PRKG1: variants seen among roughly 807,000 people sequenced by gnomAD.
The protein encoded by PRKG1 is cGMP-dependent protein kinase 1.
PRKG1 carries 35 observed loss-of-function variants against 88.1 expected under a neutral mutation model. The ratio of observed to expected loss-of-function variants is 0.40; its 90% CI spans 0.30 to 0.53. The LOEUF is 0.53. Among genes scored for constraint, PRKG1 ranks in the 20% least tolerant of loss-of-function variants. The pLI, the probability that PRKG1 is intolerant of heterozygous loss-of-function variation, is 0.59. For missense variants in PRKG1, 540 were observed against 839.8 expected (o/e 0.64, Z 4.41); for synonymous variants, 303 against 292.5 (o/e 1.04, Z -0.37).
At chr10:51,241,788 T>C (rs1465453238) in intron 2 of PRKG1, among the ~76,000 whole-genome samples, 5 of 152,148 alleles carry the variant, frequency 3.3e-5, no homozygotes, top group Admixed American at 3.3e-4. Context: ...CCCTGTCCTG[T>C]GCTGTCCTTA....
rs748903980 is a variant in PRKG1 at position 52,256,641 on chromosome 10, T to C, written c.1173+4975T>C. Among the ~76,000 whole-genome samples the C allele has an allele frequency of 3.6e-5, 5 of 139,896 alleles. 1 individual carries two copies. Among genetic ancestry groups the C allele is most frequent in the Non-Finnish European group, 8.1e-5 (5 of 61,856 alleles). 91.8% of individuals were successfully genotyped at this position (139,896 alleles called of 152,430 possible). On this transcript the variant is annotated intron_variant, in intron 10 of 17. Transcript: ENST00000373980. ...TGTTGCTATTATTATTAAAGCATGCTAATGATAGTTCTTTTTATTTATCAC... is the reference window on the plus strand; with the variant it reads ...TGTTGCTATTATTATTAAAGCATGCCAATGATAGTTCTTTTTATTTATCAC...
At chr10:51,458,586 T>C (rs1839656945) in intron 2 of PRKG1, among the ~76,000 whole-genome samples, 1 of 152,168 alleles carries the variant, frequency 6.6e-6, no homozygotes, top group African/African-American at 2.4e-5. Context: ...TTATTCCCAT[T>C]GCATTGTTGT....
intron 4 of PRKG1, among the ~76,000 whole-genome samples, chr10:51,816,479 A>C (rs550104441): frequency 4.0e-5 from 6 of 151,794 alleles, no homozygotes; most frequent in African/African-American, 1.5e-4. Context: ...TATTCCTTGG[A>C]AGTGCATTGC....
intron 3 of PRKG1, among the ~76,000 whole-genome samples, chr10:51,603,623 G>A (rs1838674945): frequency 1.3e-5 from 2 of 152,192 alleles, no homozygotes. Context: ...TTATGTGAGT[G>A]CCTATTATGT....
At chr10:51,508,548 C>CT (rs199811117) in intron 3 of PRKG1, among the ~76,000 whole-genome samples, 156 of 151,038 alleles carry the variant, frequency 1.0e-3, no homozygotes, top group Admixed American at 2.4e-3. Context: ...GTGAGAATGA[C>CT]TTTTTTTAAA....
chr10:51,956,661 C>T (rs768807973), intron 5 of PRKG1, among the ~76,000 whole-genome samples: 4 of 152,004 alleles, frequency 2.6e-5, no homozygotes, highest in Admixed American at 1.3e-4. Context: ...TTTGAAACTA[C>T]GACAACCAAT....
intron 2 of PRKG1, among the ~76,000 whole-genome samples, chr10:51,404,562 A>AT (rs1837853559): frequency 6.6e-6 from 1 of 152,218 alleles, no homozygotes; most frequent in South Asian, 2.1e-4. Context: ...ATAGCATGAT[A>AT]TTTTGCTTTG....
chr10:51,635,350 G>T (rs1245797217), intron 3 of PRKG1, among the ~76,000 whole-genome samples: 3 of 149,136 alleles, frequency 2.0e-5, no homozygotes, highest in Non-Finnish European at 4.4e-5. Flanking sequence ...GAATGAAAAT[G>T]CAATATGTAA....
chr10:52,010,430 G>A (rs1844851443), intron 5 of PRKG1, among the ~76,000 whole-genome samples: 1 of 152,026 alleles, frequency 6.6e-6, no homozygotes, highest in South Asian at 2.1e-4. Flanking sequence ...CATGCATGCA[G>A]CCAATACGCA....
chr10:51,923,956 G>C (rs559218643), intron 5 of PRKG1, among the ~76,000 whole-genome samples: 1 of 151,840 alleles, frequency 6.6e-6, no homozygotes, highest in Admixed American at 6.6e-5. Context: ...GGTCTCTTGA[G>C]TAGCTGGACC....
At chr10:52,044,591 G>T (rs191582406) in intron 5 of PRKG1, among the ~76,000 whole-genome samples, 3 of 152,248 alleles carry the variant, frequency 2.0e-5, no homozygotes, top group Non-Finnish European at 4.4e-5. Flanking sequence ...GTTTGTTGTA[G>T]TAAGGAATAC....
intron 2 of PRKG1, among the ~76,000 whole-genome samples, chr10:51,285,028 A>C: frequency 2.7e-5 from 2 of 75,448 alleles, no homozygotes; most frequent in African/African-American, 5.0e-5. Flanking sequence ...TATATCTCCC[A>C]ATGCTACCCC....
intron 1 of PRKG1, among the ~76,000 whole-genome samples, chr10:51,086,797 T>G (rs905774351): frequency 3.3e-5 from 5 of 152,218 alleles, no homozygotes; most frequent in Non-Finnish European, 7.3e-5. Context: ...CTTTCTCATC[T>G]GAGGTTCGTC....
chr10:51,551,169 C>T (rs968769364), intron 3 of PRKG1, among the ~76,000 whole-genome samples: 3 of 151,824 alleles, frequency 2.0e-5, no homozygotes, highest in Non-Finnish European at 4.4e-5. Flanking sequence ...TTGCAACCAA[C>T]ATGCATTTCA....
intron 1 of PRKG1, among the ~76,000 whole-genome samples, chr10:50,995,695 T>C (rs951662386): frequency 6.6e-5 from 10 of 152,222 alleles, no homozygotes; most frequent in African/African-American, 2.4e-4. Context: ...ACTCCTTATT[T>C]TGGCTGCCTA....
intron 5 of PRKG1, among the ~76,000 whole-genome samples, chr10:52,004,107 T>C (rs187507508): frequency 7.9e-5 from 12 of 152,320 alleles, no homozygotes; most frequent in African/African-American, 2.6e-4. Context: ...CTTTTGTCAT[T>C]TCCTCTAAGT....
At chr10:51,717,669 A>C (rs1841917843) in intron 3 of PRKG1, among the ~76,000 whole-genome samples, 1 of 152,174 alleles carries the variant, frequency 6.6e-6, no homozygotes, top group East Asian at 1.9e-4. Context: ...GTCTCTACTA[A>C]AAATATGAAA....
intron 1 of PRKG1, among the ~76,000 whole-genome samples, chr10:50,994,148 T>A (rs1307615536): frequency 6.6e-6 from 1 of 152,158 alleles, no homozygotes; most frequent in Non-Finnish European, 1.5e-5. Context: ...CTCATTAGAG[T>A]TTAAAAAGTT....
At chr10:51,047,831 A>AT (rs1022134815) in intron 1 of PRKG1, among the ~76,000 whole-genome samples, 16 of 152,094 alleles carry the variant, frequency 1.1e-4, no homozygotes, top group African/African-American at 2.4e-4. Context: ...AAGAGTATAT[A>AT]TTTTTTTATA....
Sources: gnomAD v4.1 joint callset for allele counts (sites outside exome capture counted in the v4.1 genomes callset) on GRCh38, gnomAD v4.1.1 for gene constraint, MANE v1.5 for transcripts, NCBI Gene and HGNC (gene_info 2026-07-23, HGNC 2026-07-21) for gene names.